Variants in ROR1 observed in about 807,000 individuals in gnomAD.
The protein encoded by ROR1 is inactive tyrosine-protein kinase transmembrane receptor ROR1.
ROR1 carries 19 observed loss-of-function variants against 78.8 expected under a neutral mutation model. That is an observed-to-expected ratio of 0.24 (90% CI 0.17 to 0.35). ROR1 has a LOEUF of 0.35. Among genes scored for constraint, ROR1 ranks in the 10% least tolerant of loss-of-function variants. The pLI is 1.00. For synonymous variants in ROR1, 386 were observed against 433.6 expected (o/e 0.89, Z 1.36); for missense variants, 917 against 1,177.8 (o/e 0.78, Z 3.24).
At chr1:63,840,697 A>T (rs912169307) in intron 1 of ROR1, among the ~76,000 whole-genome samples, 1 of 152,180 alleles carries the variant, frequency 6.6e-6, no homozygotes, top group African/African-American at 2.4e-5. Flanking sequence ...TCAACATATA[A>T]GTCATAAAAA....
intron 1 of ROR1, among the ~76,000 whole-genome samples, chr1:63,848,320 T>G (rs528877280): frequency 6.6e-6 from 1 of 152,320 alleles, no homozygotes; most frequent in East Asian, 1.9e-4. Flanking sequence ...CAGTCTTTCT[T>G]TGTGTGGAGA....
At chr1:64,092,209 A>G (rs527568300) in intron 4 of ROR1, among the ~76,000 whole-genome samples, 17 of 151,418 alleles carry the variant, frequency 1.1e-4, no homozygotes, top group African/African-American at 3.9e-4. Context: ...GCAAAGAAAG[A>G]AACTTCACAG....
chr1:63,812,692 A>G (rs1186419660), intron 1 of ROR1, among the ~76,000 whole-genome samples: 3 of 152,226 alleles, frequency 2.0e-5, no homozygotes, highest in Non-Finnish European at 4.4e-5. Context: ...TTCCCATAAT[A>G]TAACTTTGGG....
chr1:64,170,319 A>G (rs937887410), intron 8 of ROR1, among the ~76,000 whole-genome samples: 1 of 152,166 alleles, frequency 6.6e-6, no homozygotes, highest in Non-Finnish European at 1.5e-5. Flanking sequence ...TGCAGGCTCA[A>G]CACCACATGG....
chr1:64,015,848 C>A (rs1219651357), intron 2 of ROR1, among the ~76,000 whole-genome samples: 1 of 152,116 alleles, frequency 6.6e-6, no homozygotes, highest in Non-Finnish European at 1.5e-5. Flanking sequence ...TGTCACCTTG[C>A]CATTATCAAC....
At chr1:64,104,267 A>AG (rs1647695141) in intron 4 of ROR1, among the ~76,000 whole-genome samples, 1 of 152,160 alleles carries the variant, frequency 6.6e-6, no homozygotes, top group Non-Finnish European at 1.5e-5. Context: ...TCCACACCCT[A>AG]GGTGCTGTGG....
intron 1 of ROR1, among the ~76,000 whole-genome samples, chr1:63,940,953 C>G (rs778356388): frequency 1.7e-4 from 26 of 152,132 alleles, no homozygotes; most frequent in Non-Finnish European, 1.0e-4. Flanking sequence ...ACCAACACTG[C>G]GTAACCCGAA....
chr1:63,780,117 A>G (rs1461875028), intron 1 of ROR1, among the ~76,000 whole-genome samples: 3 of 152,116 alleles, frequency 2.0e-5, no homozygotes, highest in Non-Finnish European at 4.4e-5. Flanking sequence ...CAAGCCTCAT[A>G]ATGTTTGGCC....
At chr1:64,116,092 T>C (rs1468911690) in intron 4 of ROR1, among the ~76,000 whole-genome samples, 1 of 152,162 alleles carries the variant, frequency 6.6e-6, no homozygotes, top group East Asian at 1.9e-4. Context: ...TACAATGTGT[T>C]GAAACAAATG....
intron 1 of ROR1, among the ~76,000 whole-genome samples, chr1:63,989,593 T>C (rs1331003729): frequency 1.3e-5 from 2 of 152,224 alleles, no homozygotes; most frequent in Non-Finnish European, 2.9e-5. Context: ...ACATGATAAA[T>C]AATATCCCCC....
At chr1:63,929,188 C>T (rs1645731954) in intron 1 of ROR1, among the ~76,000 whole-genome samples, 1 of 152,158 alleles carries the variant, frequency 6.6e-6, no homozygotes, top group Admixed American at 6.5e-5. Context: ...GCTTCCTTTG[C>T]CCATCAGTAA....
At chr1:63,827,932 A>G (rs138388899) in intron 1 of ROR1, among the ~76,000 whole-genome samples, 254 of 152,362 alleles carry the variant, frequency 1.7e-3, no homozygotes, top group Admixed American at 4.3e-3. Flanking sequence ...TCAGGCTCCC[A>G]GCCACCAATA....
chr1:63,915,209 C>T (rs1174292080), intron 1 of ROR1, among the ~76,000 whole-genome samples: 1 of 152,218 alleles, frequency 6.6e-6, no homozygotes, highest in East Asian at 1.9e-4. Flanking sequence ...TCTGACTCCA[C>T]CATCTCAACC....
At chr1:64,012,176 A>G (rs12087865) in intron 2 of ROR1, among the ~76,000 whole-genome samples, 4,528 of 152,320 alleles carry the variant, frequency 0.03, 250 homozygotes, top group African/African-American at 0.1. Flanking sequence ...GTACTCTCTA[A>G]GGCCTAGAGT....
chr1:63,872,160 G>C (rs970172354), intron 1 of ROR1, among the ~76,000 whole-genome samples: 8 of 152,160 alleles, frequency 5.3e-5, no homozygotes, highest in Non-Finnish European at 1.0e-4. Flanking sequence ...TTTTATGCCA[G>C]GGTGGTCTAC....
chr1:64,025,142 G>T (rs1242901572), intron 2 of ROR1, among the ~76,000 whole-genome samples: 1 of 152,088 alleles, frequency 6.6e-6, no homozygotes, highest in African/African-American at 2.4e-5. Context: ...TTCCTTTTCA[G>T]TCTGAATCAA....
At chr1:63,794,254 C>G in intron 1 of ROR1, among the ~76,000 whole-genome samples, 1 of 152,228 alleles carries the variant, frequency 6.6e-6, no homozygotes, top group East Asian at 1.9e-4. Context: ...CTAATCATAT[C>G]TACCTCATTA....
At chr1:63,904,192 G>GTGTTGT (rs1645510841) in intron 1 of ROR1, among the ~76,000 whole-genome samples, 1 of 152,152 alleles carries the variant, frequency 6.6e-6, no homozygotes, top group Non-Finnish European at 1.5e-5. Context: ...TGAAATCTGA[G>GTGTTGT]TGTTGTGTGC....
chr1:63,832,241 T>A (rs1644992971), intron 1 of ROR1, among the ~76,000 whole-genome samples: 1 of 152,240 alleles, frequency 6.6e-6, no homozygotes, highest in Admixed American at 6.5e-5. Context: ...CTCTGCCCGT[T>A]ACCCAGTTCC....
Sources: gnomAD v4.1 joint callset for allele counts (sites outside exome capture counted in the v4.1 genomes callset) on GRCh38, gnomAD v4.1.1 for gene constraint, MANE v1.5 for transcripts, NCBI Gene and HGNC (gene_info 2026-07-23, HGNC 2026-07-21) for gene names.